The following RAI14 variants were observed in gnomAD, a reference collection of about 807,000 sequenced individuals.
The protein encoded by RAI14 is retinoic acid induced 14.
RAI14 carries 45 observed loss-of-function variants against 115.4 expected under a neutral mutation model. The ratio of observed to expected loss-of-function variants is 0.39; its 90% CI spans 0.31 to 0.50. RAI14 has a LOEUF of 0.50. Ranked by LOEUF, RAI14 falls within the 20% of genes least tolerant of loss-of-function variation. The pLI is 0.85. For missense variants in RAI14, 939 were observed against 1,131.2 expected, an observed-to-expected ratio of 0.83 and a Z score of 2.44; for synonymous variants, 371 against 415.4, an observed-to-expected ratio of 0.89 and a Z score of 1.30.
chr5:34,712,936 T>C (rs1000520863), intron 2 of RAI14, among the ~76,000 whole-genome samples: 1 of 152,080 alleles, frequency 6.6e-6, no homozygotes, highest in Non-Finnish European at 1.5e-5. Context: ...AAGGCAGCTT[T>C]AGGAAGAATT....
intron 12 of RAI14, among the ~76,000 whole-genome samples, chr5:34,817,272 C>A (rs868010717): frequency 4.8e-3 from 463 of 96,926 alleles, no homozygotes; most frequent in South Asian, 6.6e-3. Flanking sequence ...CACTCCATCT[C>A]AAAAAAAAAA....
chr5:34,799,523 C>A, intron 4 of RAI14, among the ~76,000 whole-genome samples: 2 of 102,006 alleles, frequency 2.0e-5, no homozygotes, highest in African/African-American at 6.0e-5. Flanking sequence ...CACACACACA[C>A]ACACACACAC....
intron 2 of RAI14, among the ~76,000 whole-genome samples, chr5:34,700,640 G>A (rs564146405): frequency 1.2e-4 from 19 of 152,336 alleles, no homozygotes; most frequent in African/African-American, 4.6e-4. Flanking sequence ...GAAATAAAAG[G>A]TCAGTAGGGT....
chr5:34,759,195 G>A (rs977013979), intron 3 of RAI14, among the ~76,000 whole-genome samples: 1 of 152,014 alleles, frequency 6.6e-6, no homozygotes, highest in Non-Finnish European at 1.5e-5. Context: ...CCTAGGAGGC[G>A]TAGGTTGCAG....
At chr5:34,701,617 C>T (rs954637724) in intron 2 of RAI14, among the ~76,000 whole-genome samples, 2 of 152,264 alleles carry the variant, frequency 1.3e-5, no homozygotes, top group African/African-American at 4.8e-5. Flanking sequence ...GCCCGCCTTA[C>T]AGTTGTCAAA....
intron 2 of RAI14, among the ~76,000 whole-genome samples, chr5:34,692,327 G>C (rs1430225028): frequency 2.0e-5 from 3 of 150,872 alleles, no homozygotes; most frequent in Admixed American, 6.6e-5. Context: ...CTCTACCAAC[G>C]TATTTTTTTC....
At chr5:34,677,719 A>G (rs987565129) in intron 1 of RAI14, among the ~76,000 whole-genome samples, 1 of 152,172 alleles carries the variant, frequency 6.6e-6, no homozygotes, top group Non-Finnish European at 1.5e-5. Context: ...GATTATAGGC[A>G]TGAGTCACTG....
At chr5:34,794,387 CA>C (rs2150203020) in intron 3 of RAI14, among the ~76,000 whole-genome samples, 1 of 152,338 alleles carries the variant, frequency 6.6e-6, no homozygotes, top group East Asian at 1.9e-4. Context: ...CATGCCACTG[CA>C]CTCCAGCCTA....
chr5:34,797,807 T>A (rs1016472368), intron 4 of RAI14, among the ~76,000 whole-genome samples: 1 of 152,212 alleles, frequency 6.6e-6, no homozygotes, highest in African/African-American at 2.4e-5. Flanking sequence ...AAAATACCCC[T>A]AATGAGATGT....
At chr5:34,772,756 C>G (rs577333549) in intron 3 of RAI14, among the ~76,000 whole-genome samples, 3 of 152,134 alleles carry the variant, frequency 2.0e-5, no homozygotes, top group Non-Finnish European at 4.4e-5. Flanking sequence ...GGCTGCCACC[C>G]GGCTGCTATT....
At chr5:34,830,225 C>G (rs1757889382) in intron 17 of RAI14, among the ~76,000 whole-genome samples, 1 of 152,120 alleles carries the variant, frequency 6.6e-6, no homozygotes, top group African/African-American at 2.4e-5. Context: ...CTCAAGCAAT[C>G]CACCCGCTTC....
chr5:34,818,873 T>G (rs1445273149), intron 13 of RAI14, 22 bp downstream of exon 13: 4 of 1,456,686 alleles, frequency 2.7e-6, no homozygotes, highest in Middle Eastern at 1.8e-4. Context: ...AAGCATCTGT[T>G]TTTTTTTTTC....
chr5:34,715,419 C>G (rs957507766), intron 2 of RAI14, among the ~76,000 whole-genome samples: 1 of 152,054 alleles, frequency 6.6e-6, no homozygotes, highest in Non-Finnish European at 1.5e-5. Context: ...ATTTCAGGGT[C>G]TTATCAGTCC....
chr5:34,750,847 C>CCTTTTT (rs1561309335), intron 2 of RAI14, among the ~76,000 whole-genome samples: 4 of 62,450 alleles, frequency 6.4e-5, no homozygotes, highest in Admixed American at 1.4e-4. Context: ...TTTGCTTTAT[C>CCTTTTT]ATTTTTTTTT....
At chr5:34,774,215 A>C (rs1750549836) in intron 3 of RAI14, among the ~76,000 whole-genome samples, 1 of 151,666 alleles carries the variant, frequency 6.6e-6, no homozygotes, top group South Asian at 2.1e-4. Flanking sequence ...ATAGCCAGAC[A>C]TTGTGGCACC....
At chr5:34,743,575 C>T (rs1036730423) in intron 2 of RAI14, among the ~76,000 whole-genome samples, 8 of 152,186 alleles carry the variant, frequency 5.3e-5, no homozygotes, top group African/African-American at 1.9e-4. Context: ...ATTGAACCCC[C>T]ACAGTCACTT....
At chr5:34,822,575 C>G (rs982218550) in intron 14 of RAI14, among the ~76,000 whole-genome samples, 1 of 148,818 alleles carries the variant, frequency 6.7e-6, no homozygotes, top group Non-Finnish European at 1.5e-5. Flanking sequence ...AATACACAGG[C>G]AAAGTGATCA....
intron 1 of RAI14, among the ~76,000 whole-genome samples, chr5:34,659,907 G>C (rs980187421): frequency 2.6e-5 from 4 of 152,168 alleles, no homozygotes; most frequent in Non-Finnish European, 5.9e-5. Context: ...GACTGGTGTA[G>C]TGTTGCATGC....
chr5:34,740,342 C>G (rs1477901245), intron 2 of RAI14, among the ~76,000 whole-genome samples: 1 of 152,176 alleles, frequency 6.6e-6, no homozygotes, highest in Middle Eastern at 3.2e-3. Flanking sequence ...CGCTAGAGTT[C>G]CAGTATTACT....
Sources: allele counts gnomAD v4.1 joint callset (sites outside exome capture counted in the v4.1 genomes callset), GRCh38; gene constraint gnomAD v4.1.1; transcripts MANE v1.5; gene names NCBI Gene and HGNC (gene_info 2026-07-23, HGNC 2026-07-21).